Variants in PTPRG observed in about 807,000 individuals in gnomAD.
PTPRG encodes the protein receptor-type tyrosine-protein phosphatase gamma.
Under a neutral mutation model 165.3 loss-of-function variants are expected in PTPRG, and 102 were observed. That is an observed-to-expected ratio of 0.62 (90% CI 0.53 to 0.73). The LOEUF is 0.73. PTPRG is among the 30% of genes least tolerant of loss of function. PTPRG has a pLI of 0.00. For missense variants in PTPRG, 1,866 were observed against 1,861.4 expected, an observed-to-expected ratio of 1.00 and a Z score of -0.05; for synonymous variants, 675 against 669.5, an observed-to-expected ratio of 1.01 and a Z score of -0.13.
rs866068927 is a variant in PTPRG at position 61,847,908 on chromosome 3, T to C, written c.190+98926T>C. On this transcript the variant is annotated intron_variant, in intron 2 of 29. Transcript: ENST00000474889. ...CTTCCACTGTTAAACTCTTACATAA[T>C]TGCATTCTATATAGAGAGCTTCCCT... Among the ~76,000 whole-genome samples, 12 of 152,354 alleles carry C rather than the reference T, an allele frequency of 7.9e-5. No homozygotes were observed. In the Middle Eastern group the frequency reaches 0.017, roughly 216 times the overall value.
At chr3:62,202,898 C>T (rs1461984696) in intron 11 of PTPRG, among the ~76,000 whole-genome samples, 4 of 152,158 alleles carry the variant, frequency 2.6e-5, no homozygotes, top group African/African-American at 9.7e-5. Context: ...GGCACCTAGC[C>T]TCATCTTGGG....
At chr3:62,043,854 C>T (rs894300411) in intron 4 of PTPRG, among the ~76,000 whole-genome samples, 3 of 151,998 alleles carry the variant, frequency 2.0e-5, no homozygotes, top group East Asian at 1.9e-4. Context: ...ACAAAGTTGT[C>T]GGTGGAAGAA....
chr3:61,671,769 C>A (rs1702999307), intron 1 of PTPRG, among the ~76,000 whole-genome samples: 1 of 137,350 alleles, frequency 7.3e-6, no homozygotes, highest in Non-Finnish European at 1.6e-5. Context: ...GGGCGGGGGG[C>A]TGACCCCCCC....
At chr3:61,845,070 C>G (rs142075497) in intron 2 of PTPRG, among the ~76,000 whole-genome samples, 1 of 152,146 alleles carries the variant, frequency 6.6e-6, no homozygotes, top group African/African-American at 2.4e-5. Flanking sequence ...AAAATTGATT[C>G]ATTCATTTTG....
chr3:61,564,066 C>G (rs1188126866), intron 1 of PTPRG, among the ~76,000 whole-genome samples: 2 of 152,190 alleles, frequency 1.3e-5, no homozygotes, highest in Non-Finnish European at 2.9e-5. Context: ...CTGGGGTTTG[C>G]CCACTGGAGT....
At chr3:61,639,515 A>G (rs1289232304) in intron 1 of PTPRG, among the ~76,000 whole-genome samples, 2 of 152,188 alleles carry the variant, frequency 1.3e-5, no homozygotes, top group Non-Finnish European at 2.9e-5. Flanking sequence ...TGGTTGTTTT[A>G]ACGATATTGA....
intron 2 of PTPRG, among the ~76,000 whole-genome samples, chr3:61,840,386 A>C (rs2107326004): frequency 6.6e-6 from 1 of 152,320 alleles, no homozygotes; most frequent in South Asian, 2.1e-4. Context: ...TAATTCAAGA[A>C]GTAAATGCTT....
chr3:61,574,242 G>T (rs1212718424), intron 1 of PTPRG, among the ~76,000 whole-genome samples: 1 of 152,184 alleles, frequency 6.6e-6, no homozygotes, highest in Non-Finnish European at 1.5e-5. Context: ...CCATTGCCCA[G>T]TAATGGCTTT....
In PTPRG at chr3:62,122,343, G is replaced by A. The variant is rs577167799; in HGVS notation, c.616-10259G>A. 5.3e-5 allele frequency among the ~76,000 whole-genome samples: 8 copies of A among 152,280 alleles called. No individual in the cohort carries two copies. In the South Asian group the frequency reaches 1.0e-3, roughly 20 times the overall value. The stretch of plus-strand genomic sequence containing the variant: ...ATCAGGCAGCAAACCCCTTCCATGA[G>A]CCCATGGTTTGGAATAGGGAATGGC... On this transcript the variant is annotated intron_variant, in intron 5 of 29. Coordinates refer to ENST00000474889, the MANE Select transcript of PTPRG (RefSeq NM_002841.4).
intron 1 of PTPRG, among the ~76,000 whole-genome samples, chr3:61,586,392 G>A (rs772045117): frequency 1.3e-5 from 2 of 152,200 alleles, no homozygotes; most frequent in East Asian, 1.9e-4. Flanking sequence ...TTGGACTCTC[G>A]TGTATGAAGA....
chr3:62,275,677 A>G (rs1439194576), intron 23 of PTPRG, among the ~76,000 whole-genome samples, 196 bp from the exon 24 acceptor site: 1 of 152,168 alleles, frequency 6.6e-6, no homozygotes, highest in Admixed American at 6.5e-5. Flanking sequence ...TGGGAGGATC[A>G]CAGTTAACTG....
chr3:62,146,175 C>G (rs1704114185), intron 6 of PTPRG, among the ~76,000 whole-genome samples: 5 of 152,306 alleles, frequency 3.3e-5, no homozygotes, highest in Non-Finnish European at 1.5e-5. Context: ...GTTGACAAGA[C>G]TGCTATCTTT....
chr3:62,117,859 A>G (rs150050227), intron 5 of PTPRG, among the ~76,000 whole-genome samples: 1 of 152,316 alleles, frequency 6.6e-6, no homozygotes, highest in Admixed American at 6.5e-5. Context: ...GGCACTTATT[A>G]GGTGCTTAGT....
intron 1 of PTPRG, among the ~76,000 whole-genome samples, chr3:61,726,467 T>C (rs924367834): frequency 6.6e-6 from 1 of 152,148 alleles, no homozygotes; most frequent in Admixed American, 6.5e-5. Context: ...ATAATGGAAA[T>C]ATACTGCCAT....
At position 62,099,665 on chromosome 3, in the gene PTPRG, A is replaced by G. The variant is rs1207003919; in HGVS notation, c.615+21407A>G. Among the ~76,000 whole-genome samples the G allele has an allele frequency of 2.0e-5, 3 of 152,234 alleles. No individual in the cohort carries two copies. The East Asian group carries it at 5.8e-4, about 29-fold the overall frequency. ...CTGTTATTGATAAAATGTTAATACC[A>G]TAAGCAAACACTGCAATTAAGAATA... is the stretch of plus-strand genomic sequence containing the variant. On this transcript the variant is annotated intron_variant, in intron 5 of 29. Transcript: ENST00000474889.
At chr3:61,645,281 G>A (rs921707880) in intron 1 of PTPRG, among the ~76,000 whole-genome samples, 15 of 152,206 alleles carry the variant, frequency 9.9e-5, no homozygotes, top group Non-Finnish European at 2.1e-4. Context: ...TAATAGCTTT[G>A]TCCACACCCC....
intron 4 of PTPRG, among the ~76,000 whole-genome samples, chr3:62,019,651 C>CCA (rs776390265): frequency 4.4e-4 from 67 of 151,260 alleles, no homozygotes; most frequent in African/African-American, 6.3e-4. Context: ...AATATTACTG[C>CCA]CACACACACA....
chr3:61,562,057 A>G lies in PTPRG; in HGVS notation c.-231A>G. 1 of 531,016 alleles carries G rather than the reference A, an allele frequency of 1.9e-6. No individual in the cohort carries two copies. Among genetic ancestry groups the G allele is most frequent in the East Asian group, 3.1e-5 (1 of 32,082 alleles). 32.9% of individuals were successfully genotyped at this position (531,016 alleles called of 1,614,324 possible). A position where few individuals can be genotyped will look rare whatever the true frequency, so the allele number is the denominator to read the frequency against. On this transcript the variant is annotated 5_prime_UTR_variant, in exon 1 of 30. Coordinates refer to ENST00000474889, the MANE Select transcript of PTPRG (RefSeq NM_002841.4). ...AACGGAAAGCAGCCTTTCTCCGCCG[A>G]GAGGATCGTCCCCAGCGTGGCTCTG...
intron 5 of PTPRG, among the ~76,000 whole-genome samples, chr3:62,125,758 A>C (rs1576034418): frequency 6.6e-6 from 1 of 150,504 alleles, no homozygotes; most frequent in Non-Finnish European, 1.5e-5. Flanking sequence ...TTAAGACTCT[A>C]GGTCATGCTT....
Sources: gnomAD v4.1 joint callset for allele counts (sites outside exome capture counted in the v4.1 genomes callset) on GRCh38, gnomAD v4.1.1 for gene constraint, MANE v1.5 for transcripts, NCBI Gene and HGNC (gene_info 2026-07-23, HGNC 2026-07-21) for gene names.